Variants in SPTB observed in about 807,000 individuals in gnomAD.
SPTB encodes spectrin beta, erythrocytic, also known as spectrin beta chain, erythrocytic.
In SPTB, 45 loss-of-function variants were observed where a neutral mutation model predicts 256.2. The observed-to-expected ratio is 0.18, with a 90% CI of 0.14 to 0.23. SPTB has a LOEUF of 0.23. Ranked by LOEUF, SPTB falls within the 10% of genes least tolerant of loss-of-function variation. The pLI is 1.00. For missense variants in SPTB, 2,715 were observed against 3,040.4 expected, an observed-to-expected ratio of 0.89 and a Z score of 2.52; for synonymous variants, 1,231 against 1,243.1, an observed-to-expected ratio of 0.99 and a Z score of 0.21.
Position 64,763,928 on chromosome 14 carries a change from G to A in SPTB, c.6345+2798C>T, listed in dbSNP as rs1026316200. ...ACGTGGGGAAGGGGAGGACTGGGGTGGGGTGCCACCCTGTGGTGTGCAGCT... is the reference window on the plus strand; with the variant it reads ...ACGTGGGGAAGGGGAGGACTGGGGTAGGGTGCCACCCTGTGGTGTGCAGCT... On this transcript the variant is annotated intron_variant, in intron 32 of 35. Transcript: ENST00000644917. 7.9e-5 allele frequency: 41 copies of A among 516,004 alleles called. No individual in the cohort carries two copies. The Admixed American group carries it at 8.0e-4, about 10-fold the overall frequency. The allele number at this position is 516,004 out of a possible 1,614,324, so 32.0% of individuals were successfully genotyped here.
rs1296253327 is a variant in SPTB at position 64,790,546 on chromosome 14, T to G, written c.2804+1173A>C. On this transcript the variant is annotated intron_variant, in intron 15 of 35. Transcript: ENST00000644917. This position sits in a 1 kb window ranked among gnomAD's most constrained non-coding sequence, Gnocchi z 4.8. ...CTAAACCGCACTCTGCAGCTTGGGC[T>G]GCTAAGACAATCATCCCATTCTAGT... is the stretch of plus-strand genomic sequence containing the variant. 6.6e-6 allele frequency among the ~76,000 whole-genome samples: 1 copy of G among 152,236 alleles called. No homozygotes were observed. The highest frequency in any genetic ancestry group is 2.4e-5 in the African/African-American group (1 of 41,468).
chr14:64,813,828 G>A (rs2083137616), intron 2 of SPTB, among the ~76,000 whole-genome samples: 1 of 152,206 alleles, frequency 6.6e-6, no homozygotes, highest in Non-Finnish European at 1.5e-5. Context: ...GCCTGGCCAA[G>A]TGAGCCATAC....
chr14:64,750,542 G>A (rs950848780), intron 33 of SPTB, among the ~76,000 whole-genome samples: 6 of 151,986 alleles, frequency 3.9e-5, no homozygotes, highest in Non-Finnish European at 7.4e-5. Context: ...TTGGGAGGCC[G>A]AGGCGGGCGG....
Position 64,802,160 on chromosome 14 carries a change from T to A in SPTB, c.566+66A>T, listed in dbSNP as rs2082898954. On this transcript the variant is annotated intron_variant, in intron 5 of 35. Coordinates refer to ENST00000644917, the MANE Select transcript of SPTB (RefSeq NM_001355436.2). The surrounding 1 kb of genome is among the most constrained non-coding windows in gnomAD (Gnocchi z 5.1). ...ATGATGTCTAATGTCCCTCTGGAGATGGCAGTGCTTGTGCGGAGCAAGGGG... is the reference window on the plus strand; with the variant it reads ...ATGATGTCTAATGTCCCTCTGGAGAAGGCAGTGCTTGTGCGGAGCAAGGGG... 6 of 1,430,876 alleles carry A rather than the reference T, an allele frequency of 4.2e-6. No homozygotes were observed. The South Asian group carries it at 6.9e-5, about 16-fold the overall frequency. 88.6% of individuals were successfully genotyped at this position (1,430,876 alleles called of 1,614,324 possible).
rs368552247 is a variant in SPTB, at chr14:64,785,857, T to C, written c.3656A>G (p.Asn1219Ser). 8.1e-6 allele frequency: 13 copies of C among 1,614,006 alleles called. No individual in the cohort carries two copies. Among genetic ancestry groups the C allele is most frequent in the Middle Eastern group, 1.6e-4 (1 of 6,084 alleles). Residue 1219 changes from asparagine (N) to serine (S), a missense_variant, in exon 17 of 36, where the codon AAC (asparagine) becomes AGC (serine). By Grantham distance (46) the Asn-to-Ser change is conservative. Around this residue, in one of 4 missense-constraint regions of SPTB, gnomAD observed 2,239 missense variants for 2,384.4 expected, o/e 0.94. Transcript: ENST00000644917. The surrounding 1 kb of genome is among the most constrained non-coding windows in gnomAD (Gnocchi z 4.4). ...AGGACTCAAGACCTTATCCCGGTTG[T>C]TCTCCATAGACCCCAAGAAATCCTC... The part of the protein sequence containing the change: ...KFEDFLGSME[N>S]NRDKVLSPVD...
At chr14:64,815,940 G>T (rs552038159) in intron 2 of SPTB, among the ~76,000 whole-genome samples, 1 of 152,146 alleles carries the variant, frequency 6.6e-6, no homozygotes, top group African/African-American at 2.4e-5. Flanking sequence ...GCAGGATGAC[G>T]GAAGAGTGAT....
chr14:64,787,803 C>G (rs1414782583), intron 15 of SPTB, among the ~76,000 whole-genome samples: 1 of 152,202 alleles, frequency 6.6e-6, no homozygotes, highest in Admixed American at 6.5e-5. Context: ...TGGCGGATGC[C>G]TGGGGGCCTG....
rs780809373 is a variant in SPTB at position 64,772,597 on chromosome 14, G to T, written c.5536C>A (p.His1846Asn). Reference sequence around the variant, plus strand: ...GAAGGTACCTGGACACCCAGCAGGTGGAGCTCCCGCTCGAAGGCTGTGTGC... The same window carrying T: ...GAAGGTACCTGGACACCCAGCAGGTTGAGCTCCCGCTCGAAGGCTGTGTGC... The part of the protein sequence containing the change: ...RVHTAFEREL[H>N]LLGVQVQQFQ... The change falls in exon 26 of 36, where the codon CAC (histidine) becomes AAC (asparagine). Residue 1846 changes from histidine (H) to asparagine (N), a missense_variant. Around this residue, in one of 4 missense-constraint regions of SPTB, gnomAD observed 2,239 missense variants for 2,384.4 expected, o/e 0.94. Coordinates refer to ENST00000644917, the MANE Select transcript of SPTB (RefSeq NM_001355436.2). The surrounding 1 kb of genome is among the most constrained non-coding windows in gnomAD (Gnocchi z 5.4). 5.0e-6 allele frequency: 8 copies of T among 1,608,986 alleles called. No individual in the cohort carries two copies. The highest frequency in any genetic ancestry group is 1.3e-5 in the African/African-American group (1 of 74,940).
chr14:64,801,339 C>A lies in SPTB; in HGVS notation c.709G>T (p.Ala237Ser). 1.9e-6 allele frequency: 3 copies of A among 1,614,198 alleles called. No homozygotes were observed. Among genetic ancestry groups the A allele is most frequent in the Non-Finnish European group, 2.5e-6 (3 of 1,180,020 alleles). Residue 237 changes from alanine to serine, a missense_variant, in exon 7 of 36, where the codon GCA becomes TCA. This residue lies in a region of SPTB where 416 missense variants were observed against 571.1 expected (regional missense o/e 0.73). Coordinates refer to ENST00000644917, the MANE Select transcript of SPTB (RefSeq NM_001355436.2). ...AGCTGGCGCTCAGCCACATTGAATG[C>A]GTGCTCCAGGTTGTGCCGGGCATTG... ...DSNARHNLEH[A>S]FNVAERQLGI...
At chr14:64,753,951 C>A (rs1458198175) in intron 32 of SPTB, 158 bp from the exon 33 acceptor site, 14 of 923,408 alleles carry the variant, frequency 1.5e-5, no homozygotes, top group Non-Finnish European at 2.4e-5. Flanking sequence ...TCTCCCACAA[C>A]CTGCTATGGG....
chr14:64,788,107 G>A (rs1241844739), intron 15 of SPTB, among the ~76,000 whole-genome samples: 1 of 152,218 alleles, frequency 6.6e-6, no homozygotes, highest in Admixed American at 6.5e-5. Flanking sequence ...AGTTTCATGT[G>A]CACAGCACCT....
intron 1 of SPTB, among the ~76,000 whole-genome samples, chr14:64,833,276 C>T (rs940605549): frequency 1.3e-5 from 2 of 152,182 alleles, no homozygotes; most frequent in African/African-American, 4.8e-5. Flanking sequence ...CTCTGCTGGG[C>T]GCGGTGGCTC....
Position 64,792,006 on chromosome 14 carries a change from C to G in SPTB, c.2667-150G>C. ...CCCAGGTGAGGCAGGAGGAAGAAAA[C>G]AGATATGCTGGCCCTCCTTTCTGGT... On this transcript the variant is annotated intron_variant, in intron 14 of 35. Coordinates refer to ENST00000644917, the MANE Select transcript of SPTB (RefSeq NM_001355436.2). This position sits in a 1 kb window ranked among gnomAD's most constrained non-coding sequence, Gnocchi z 4.2. 9.4e-7 allele frequency: 1 copy of G among 1,065,240 alleles called. No individual in the cohort carries two copies. Among genetic ancestry groups the G allele is most frequent in the Non-Finnish European group, 1.4e-6 (1 of 728,918 alleles). The allele number at this position is 1,065,240 out of a possible 1,614,324, so 66.0% of individuals were successfully genotyped here. A position where few individuals can be genotyped will look rare whatever the true frequency, so the allele number is the denominator to read the frequency against.
chr14:64,780,326 A>G (rs2082445841), intron 20 of SPTB, among the ~76,000 whole-genome samples: 2 of 152,254 alleles, frequency 1.3e-5, no homozygotes, highest in South Asian at 4.1e-4. Context: ...ATATCATTAA[A>G]ATGGCTATAC....
At chr14:64,822,682 G>A (rs560695362) in intron 2 of SPTB, among the ~76,000 whole-genome samples, 1 of 152,084 alleles carries the variant, frequency 6.6e-6, no homozygotes, top group Admixed American at 6.5e-5. Flanking sequence ...TCACTTGGCC[G>A]CAGGTCACTC....
rs1271958530 is a variant in SPTB at position 64,792,738 on chromosome 14, A to G, written c.2666+259T>C. ...ACAATTCATCTGAGCAAAGACTGCT[A>G]TTGCTGAAAAGTAATTGAATAACTG... On this transcript the variant is annotated intron_variant, in intron 14 of 35. Coordinates refer to ENST00000644917, the MANE Select transcript of SPTB (RefSeq NM_001355436.2). This position sits in a 1 kb window ranked among gnomAD's most constrained non-coding sequence, Gnocchi z 4.2. Among the ~76,000 whole-genome samples, 4 of 152,286 alleles carry G rather than the reference A, an allele frequency of 2.6e-5. No individual in the cohort carries two copies. Among genetic ancestry groups the G allele is most frequent in the African/African-American group, 7.2e-5 (3 of 41,558 alleles).
chr14:64,771,187 G>A, intron 26 of SPTB, 58 bp from the exon 27 acceptor site: 1 of 1,606,282 alleles, frequency 6.2e-7, no homozygotes, highest in Non-Finnish European at 8.5e-7. Context: ...GGTGCTGTGG[G>A]CCTAGGACTG....
At chr14:64,822,368 T>TCACACACACACA (rs1594814472) in intron 2 of SPTB, among the ~76,000 whole-genome samples, 3 of 538 alleles carry the variant, frequency 5.6e-3, no homozygotes, top group East Asian at 0.029. Flanking sequence ...TCTCTCTCTC[T>TCACACACACACA]CTCTCTCACA....
chr14:64,875,978 A>G (rs80215499), intron 1 of SPTB, among the ~76,000 whole-genome samples: 4,804 of 152,238 alleles, frequency 0.032, 251 homozygotes, highest in African/African-American at 0.11. Context: ...TAATTAATTC[A>G]TGAATTAGAG....
Sources: gnomAD v4.1 joint callset for allele counts (sites outside exome capture counted in the v4.1 genomes callset) on GRCh38, gnomAD v4.1.1 for gene constraint, gnomAD v4.1.1 regional missense constraint, Gnocchi (gnomAD v3.1) non-coding constraint, MANE v1.5 for transcripts, NCBI Gene and HGNC (gene_info 2026-07-23, HGNC 2026-07-21) for gene names.